XPA: variants seen among roughly 807,000 people sequenced by gnomAD.
XPA encodes the protein DNA repair protein complementing XP-A cells.
Under a neutral mutation model 35.7 loss-of-function variants are expected in XPA, and 27 were observed. The ratio of observed to expected loss-of-function variants is 0.76; its 90% CI spans 0.56 to 1.04. The LOEUF is 1.04. XPA is among the 50% of genes least tolerant of loss of function. The pLI is 0.00. For synonymous variants in XPA, 133 were observed against 118.4 expected (o/e 1.12, Z -0.80); for missense variants, 354 against 342.7 (o/e 1.03, Z -0.26).
chr9:97,673,147 T>C (rs1458171576), downstream of XPA: 1 of 152,178 alleles, frequency 6.6e-6, no homozygotes, highest in Non-Finnish European at 1.5e-5. Context: ...AAAAAATATA[T>C]AGCATATAAC....
intron 4 of XPA, among the ~76,000 whole-genome samples, chr9:97,685,790 G>A (rs1465854028): frequency 6.6e-6 from 1 of 152,170 alleles, no homozygotes; most frequent in East Asian, 1.9e-4. Context: ...TGAAAATGCT[G>A]CATCACCAAT....
At chr9:97,680,106 A>G (rs1828491064) in intron 5 of XPA, among the ~76,000 whole-genome samples, 1 of 152,236 alleles carries the variant, frequency 6.6e-6, no homozygotes, top group Non-Finnish European at 1.5e-5. Flanking sequence ...AAAGGACACC[A>G]AAACAACTGG....
chr9:97,697,255 G>A lies in XPA; in HGVS notation c.38C>T (p.Ala13Val), dbSNP rs778123456. 1 of 1,599,716 alleles carries A rather than the reference G, an allele frequency of 6.3e-7. No homozygotes were observed. The highest frequency in any genetic ancestry group is 8.5e-7 in the Non-Finnish European group (1 of 1,179,238). The change falls in exon 1 of 6, where the codon GCT becomes GTT. Residue 13 changes from alanine (A) to valine (V), a missense_variant. By Grantham distance (64) the Ala-to-Val change is moderately conservative. Transcript: ENST00000375128. ...AADGALPEAA[A>V]LEQPAELPAS... The stretch of plus-strand genomic sequence containing the variant: ...AGGCAGCTCCGCGGGTTGCTCTAAA[G>A]CCGCCGCCTCCGGCAAAGCCCCGTC...
At chr9:97,685,579 A>C (rs140688909) in intron 4 of XPA, among the ~76,000 whole-genome samples, 195 of 152,288 alleles carry the variant, frequency 1.3e-3, no homozygotes, top group African/African-American at 4.4e-3. Flanking sequence ...ACTTTACATT[A>C]TATACCTTTA....
the XPA span, among the ~76,000 whole-genome samples, chr9:97,659,157 T>A: frequency 6.6e-6 from 1 of 152,262 alleles, no homozygotes; most frequent in Non-Finnish European, 1.5e-5. Context: ...TTTTCTTACC[T>A]TTTGGTCACA....
the XPA span, chr9:97,655,620 G>C: frequency 3.4e-6 from 4 of 1,170,290 alleles, no homozygotes; most frequent in South Asian, 1.5e-5. Flanking sequence ...GGTTTTATCT[G>C]TTTGAAGGCT....
chr9:97,679,616 A>G lies in XPA; in HGVS notation c.674-4029T>C, dbSNP rs1174276605. ...CCAAAAGCCAAATAACAATTACAGA[A>G]AGTGAAAGAAATAGAAAATCACCAT... On this transcript the variant is annotated intron_variant, in intron 5 of 5. Coordinates refer to ENST00000375128, the MANE Select transcript of XPA (RefSeq NM_000380.4). Among the ~76,000 whole-genome samples, 4 of 152,226 alleles carry G rather than the reference A, an allele frequency of 2.6e-5. No homozygotes were observed. In the South Asian group the frequency reaches 6.2e-4, roughly 24 times the overall value.
chr9:97,660,470 A>T, the XPA span, among the ~76,000 whole-genome samples: 1 of 152,200 alleles, frequency 6.6e-6, no homozygotes, highest in Non-Finnish European at 1.5e-5. Flanking sequence ...ACAAAAACAA[A>T]ACCTCTCTGA....
At chr9:97,658,513 C>T in the XPA span, 19 of 685,618 alleles carry the variant, frequency 2.8e-5, no homozygotes, top group Admixed American at 5.2e-5. Context: ...ATTTTTTTTT[C>T]CCTTTCACTT....
At chr9:97,690,881 G>C (rs79091186) in intron 2 of XPA, among the ~76,000 whole-genome samples, 19 of 152,328 alleles carry the variant, frequency 1.2e-4, no homozygotes, top group African/African-American at 4.6e-4. Context: ...AATAACCCAG[G>C]ATATTCTCCC....
At chr9:97,664,549 A>C in the XPA span, 1 of 701,028 alleles carries the variant, frequency 1.4e-6, no homozygotes, top group Non-Finnish European at 2.4e-6. Context: ...TGATATTAAT[A>C]TACTAATGGT....
intron 2 of XPA, among the ~76,000 whole-genome samples, chr9:97,690,080 T>C (rs1224764690): frequency 6.6e-6 from 1 of 152,242 alleles, no homozygotes; most frequent in Non-Finnish European, 1.5e-5. Flanking sequence ...TTCCAGCTTC[T>C]ATAGGCTGCC....
At chr9:97,664,912 A>G in the XPA span, among the ~76,000 whole-genome samples, 1 of 152,196 alleles carries the variant, frequency 6.6e-6, no homozygotes, top group African/African-American at 2.4e-5. Context: ...GATGGGGGAA[A>G]GGGGTTCTCA....
intron 5 of XPA, among the ~76,000 whole-genome samples, chr9:97,677,870 A>C (rs1424984248): frequency 2.0e-5 from 3 of 152,098 alleles, no homozygotes; most frequent in Non-Finnish European, 4.4e-5. Flanking sequence ...GGAGGCAGCA[A>C]CAGTAATGGG....
chr9:97,687,088 T>C lies in XPA; in HGVS notation c.555+8A>G, dbSNP rs756967163. 1.4e-5 allele frequency: 22 copies of C among 1,606,648 alleles called. No homozygotes were observed. In the South Asian group the frequency reaches 2.2e-4, roughly 16 times the overall value. On this transcript the variant is annotated splice_region_variant and intron_variant, in intron 4 of 5. Coordinates refer to ENST00000375128, the MANE Select transcript of XPA (RefSeq NM_000380.4). ...AGTGAAAAATAATAAATACAACTTA[T>C]TAGAGACCTGTAACTTTAAGTAGAG...
chr9:97,687,906 G>A (rs1049242755), intron 3 of XPA, among the ~76,000 whole-genome samples: 2 of 152,144 alleles, frequency 1.3e-5, no homozygotes, highest in Admixed American at 1.3e-4. Context: ...AGCGAATGAA[G>A]CTGGCTTTAC....
At chr9:97,654,920 C>T in the XPA span, 5 of 1,610,918 alleles carry the variant, frequency 3.1e-6, no homozygotes, top group Non-Finnish European at 4.2e-6. Context: ...CGTTTGGACA[C>T]AATGAACACT....
the XPA span, chr9:97,668,840 C>T: frequency 6.2e-7 from 1 of 1,608,812 alleles, no homozygotes; most frequent in Non-Finnish European, 8.5e-7. Context: ...CATTTGCCTT[C>T]TATAGCGAAG....
chr9:97,697,187 G>A lies in XPA; in HGVS notation c.106C>T (p.Leu36=), dbSNP rs2131411417. 6.3e-7 allele frequency: 1 copy of A among 1,595,780 alleles called. No individual in the cohort carries two copies. The highest frequency in any genetic ancestry group is 8.5e-7 in the Non-Finnish European group (1 of 1,175,514). The stretch of plus-strand genomic sequence containing the variant: ...GCCAGCCGGGCCTGGCGCAGCATCA[G>A]TGCCCGCTGCCGCTTCCGCTCGATA... ...ASIERKRQRA[L]MLRQARLAAR... is the part of the protein sequence containing the mutation. The change falls in exon 1 of 6, where the codon CTG becomes TTG. Residue 36 remains leucine (L), a synonymous_variant. Transcript: ENST00000375128.
Sources: allele counts gnomAD v4.1 joint callset (sites outside exome capture counted in the v4.1 genomes callset), GRCh38; gene constraint gnomAD v4.1.1; transcripts MANE v1.5; gene names NCBI Gene and HGNC (gene_info 2026-07-23, HGNC 2026-07-21).